Variants in ABL1 observed in about 807,000 individuals in gnomAD.
ABL1 encodes the protein ABL proto-oncogene 1, non-receptor tyrosine kinase, also known as tyrosine-protein kinase ABL1.
ABL1 carries 11 observed loss-of-function variants against 94.7 expected under a neutral mutation model. The ratio of observed to expected loss-of-function variants is 0.12; its 90% CI spans 0.07 to 0.19. The LOEUF (loss-of-function observed/expected upper bound fraction) is 0.19. Among genes scored for constraint, ABL1 ranks in the 10% least tolerant of loss-of-function variants. The probability of loss-of-function intolerance (pLI) is 1.00; values close to 1 mark genes in which losing one functional copy is unlikely to be tolerated. For missense variants in ABL1, 1,082 were observed against 1,489.4 expected, an observed-to-expected ratio of 0.73 and a Z score of 4.50; for synonymous variants, 656 against 622.4, an observed-to-expected ratio of 1.05 and a Z score of -0.80.
intron 1 of ABL1, among the ~76,000 whole-genome samples, chr9:130,816,955 C>T (rs898818022): frequency 6.6e-6 from 1 of 152,226 alleles, no homozygotes; most frequent in Non-Finnish European, 1.5e-5. Flanking sequence ...TTCCCCCCGC[C>T]TTGGCCTCCC....
chr9:130,880,374 G>C lies in ABL1; in HGVS notation c.1514-126G>C, dbSNP rs145125975. The C allele has an allele frequency of 8.2e-7, 1 of 1,213,064 alleles. No individual in the cohort carries two copies. Among genetic ancestry groups the C allele is most frequent in the East Asian group, 2.4e-5 (1 of 41,618 alleles). The allele number at this position is 1,213,064 out of a possible 1,614,324, so 75.1% of individuals were successfully genotyped here. On this transcript the variant is annotated intron_variant, in intron 9 of 10. Transcript: ENST00000318560. This position sits in a 1 kb window ranked among gnomAD's most constrained non-coding sequence, Gnocchi z 4.4. ...TAAGGGCTGTTTCTCCGGTATCCAC[G>C]TGCCTTTTCTTTAGTTGTATGCAGA...
At chr9:130,874,250 G>A (rs1194586230) in intron 6 of ABL1, among the ~76,000 whole-genome samples, 2 of 152,204 alleles carry the variant, frequency 1.3e-5, no homozygotes, top group Non-Finnish European at 2.9e-5. Context: ...GGAGAATCAG[G>A]AAGTGAGAGG....
At chr9:130,773,826 C>T (rs1485882497) in intron 1 of ABL1, among the ~76,000 whole-genome samples, 2 of 151,958 alleles carry the variant, frequency 1.3e-5, no homozygotes, top group African/African-American at 2.4e-5. Context: ...ATAAACTGCA[C>T]ATATATAAAG....
intron 7 of ABL1, 86 bp downstream of exon 7, chr9:130,875,138 C>A (rs1831318851): frequency 4.2e-6 from 6 of 1,413,072 alleles, no homozygotes; most frequent in Non-Finnish European, 5.8e-6. Flanking sequence ...CCTTTCTTTT[C>A]TTCCTTTCTT....
chr9:130,746,221 C>T (rs1467325503), intron 1 of ABL1, among the ~76,000 whole-genome samples: 5 of 57,446 alleles, frequency 8.7e-5, no homozygotes, highest in African/African-American at 2.7e-4. Flanking sequence ...GAATTTAATG[C>T]GTTTTTTTTT....
chr9:130,866,458 G>A (rs545104254), intron 4 of ABL1, among the ~76,000 whole-genome samples: 3 of 152,106 alleles, frequency 2.0e-5, no homozygotes, highest in South Asian at 2.1e-4. Flanking sequence ...TTGCCCAAGC[G>A]TCCTTCCCTC....
Position 130,885,951 on chromosome 9 carries a change from A to G in ABL1, c.*268A>G, listed in dbSNP as rs1043070076. On this transcript the variant is annotated 3_prime_UTR_variant, in exon 11 of 11. Coordinates refer to ENST00000318560, the MANE Select transcript of ABL1 (RefSeq NM_005157.6). ...TCCTGCTCCGTGGACTGCAGTCGGC[A>G]TGCCAGGACCCGCCAGCCCCGCTCC... 2.2e-6 allele frequency: 1 copy of G among 450,896 alleles called. No individual in the cohort carries two copies. The highest frequency in any genetic ancestry group is 3.9e-6 in the Non-Finnish European group (1 of 254,928). The allele number at this position is 450,896 out of a possible 1,614,324, so 27.9% of individuals were successfully genotyped here.
At position 130,758,428 on chromosome 9, in the gene ABL1, G is replaced by A. The variant is rs139926812; in HGVS notation, c.136+43973G>A. ...ACCCGCCTTGGCCTCCCAAAGTGCTGGGATTACAGGCATGAGCCACCAGAG... is the reference window on the plus strand; with the variant it reads ...ACCCGCCTTGGCCTCCCAAAGTGCTAGGATTACAGGCATGAGCCACCAGAG... On this transcript the variant is annotated intron_variant, in intron 1 of 10. Transcript: ENST00000372348. Among the ~76,000 whole-genome samples, 738 of 152,170 alleles carry A rather than the reference G, an allele frequency of 4.8e-3. 6 individuals carry two copies. The highest frequency in any genetic ancestry group is 0.017 in the African/African-American group (711 of 41,516).
chr9:130,763,689 C>T (rs12236004), intron 1 of ABL1, among the ~76,000 whole-genome samples: 33,098 of 152,166 alleles, frequency 0.22, 3,890 homozygotes, highest in Middle Eastern at 0.39. Flanking sequence ...CTTGCGTGTC[C>T]TCACAACATG....
chr9:130,762,321 A>AT (rs1341016910), intron 1 of ABL1, among the ~76,000 whole-genome samples: 5 of 152,118 alleles, frequency 3.3e-5, no homozygotes, highest in Non-Finnish European at 1.5e-5. Context: ...TGCCTTTAAA[A>AT]ATATATATAT....
At chr9:130,769,257 C>T (rs1463846170) in intron 1 of ABL1, among the ~76,000 whole-genome samples, 1 of 150,426 alleles carries the variant, frequency 6.6e-6, no homozygotes, top group Non-Finnish European at 1.5e-5. Flanking sequence ...ACAGTTTAAT[C>T]AGTTGTTGTT....
At chr9:130,729,099 C>A (rs965029243) in intron 1 of ABL1, among the ~76,000 whole-genome samples, 4 of 152,150 alleles carry the variant, frequency 2.6e-5, no homozygotes, top group African/African-American at 9.7e-5. Flanking sequence ...ATGGGTTTAT[C>A]CTTGGTCCAG....
rs1056169 is a variant in ABL1 at position 130,885,290 on chromosome 9, C to T, written c.3000C>T (p.Thr1000=). Residue 1000 remains threonine (T), a synonymous_variant, in exon 11 of 11, where the codon ACC becomes ACT. Transcript: ENST00000318560. ...TGGCAGGGGACCAGCCGTCTTCCAC[C>T]GCCTTCATCCCTCTCATATCAACCC... ...SALAGDQPSS[T]AFIPLISTRV... is the part of the protein sequence containing the mutation. 4,594 of 1,613,824 alleles carry T rather than the reference C, an allele frequency of 2.8e-3. 101 individuals are homozygous for T. In the African/African-American group the frequency reaches 0.053, roughly 19 times the overall value.
chr9:130,793,903 A>C (rs1289194918), intron 1 of ABL1, among the ~76,000 whole-genome samples: 1 of 152,168 alleles, frequency 6.6e-6, no homozygotes, highest in Non-Finnish European at 1.5e-5. Flanking sequence ...TGAACAGTAC[A>C]TGCGATGGAT....
intron 10 of ABL1, among the ~76,000 whole-genome samples, chr9:130,881,301 G>A (rs1831448678): frequency 6.6e-6 from 1 of 152,230 alleles, no homozygotes; most frequent in African/African-American, 2.4e-5. Context: ...AGGTTCTGCT[G>A]CAGACCAGCT....
upstream of ABL1, chr9:130,835,026 G>C (rs1830541974): frequency 3.0e-6 from 1 of 330,286 alleles, no homozygotes; most frequent in Admixed American, 4.0e-5. This position sits in a 1 kb window ranked among gnomAD's most constrained non-coding sequence, Gnocchi z 4.6. Context: ...GGGCTGGGAC[G>C]GCGCTTCCAG....
Position 130,863,073 on chromosome 9 carries a change from G to A in ABL1, c.822+38G>A, listed in dbSNP as rs770057652. On this transcript the variant is annotated intron_variant, in intron 4 of 10. Coordinates refer to ENST00000318560, the MANE Select transcript of ABL1 (RefSeq NM_005157.6). The surrounding 1 kb of genome is among the most constrained non-coding windows in gnomAD (Gnocchi z 4.3). ...TGCCGGGGGTGCCCAGGGTACGTGG[G>A]GCAAGGCGTCTGCTGGCATTAGGCG... The A allele has an allele frequency of 4.5e-6, 7 of 1,547,622 alleles. No homozygotes were observed. The highest frequency in any genetic ancestry group is 6.1e-6 in the Non-Finnish European group (7 of 1,143,604).
intron 4 of ABL1, among the ~76,000 whole-genome samples, chr9:130,866,069 T>TTC (rs1262052517): frequency 6.6e-6 from 1 of 152,172 alleles, no homozygotes; most frequent in African/African-American, 2.4e-5. Context: ...AGTGTGGATA[T>TTC]TCCCCAATCT....
chr9:130,794,532 T>TCA (rs1829949316), intron 1 of ABL1, among the ~76,000 whole-genome samples: 1 of 152,232 alleles, frequency 6.6e-6, no homozygotes, highest in Non-Finnish European at 1.5e-5. Flanking sequence ...AACAAATGAA[T>TCA]CACTGTTTCT....
Sources: allele counts gnomAD v4.1 joint callset (sites outside exome capture counted in the v4.1 genomes callset), GRCh38; gene constraint gnomAD v4.1.1; non-coding constraint Gnocchi (gnomAD v3.1); transcripts MANE v1.5; gene names NCBI Gene and HGNC (gene_info 2026-07-23, HGNC 2026-07-21).